Variants in ADGRL3 observed in about 807,000 individuals in gnomAD.
The protein encoded by ADGRL3 is calcium-independent alpha-latrotoxin receptor 3.
A neutral mutation model predicts 153.5 loss-of-function variants in ADGRL3; 62 were observed. The ratio of observed to expected loss-of-function variants is 0.40; its 90% CI spans 0.33 to 0.50. ADGRL3 has a LOEUF of 0.50. Among genes scored for constraint, ADGRL3 ranks in the 20% least tolerant of loss-of-function variants. The pLI, the probability that ADGRL3 is intolerant of heterozygous loss-of-function variation, is 0.47. For synonymous variants in ADGRL3, 710 were observed against 672.5 expected, an observed-to-expected ratio of 1.06 and a Z score of -0.86; for missense variants, 1,641 against 1,859.4, an observed-to-expected ratio of 0.88 and a Z score of 2.16.
At chr4:61,336,610 A>G (rs983335246) in intron 1 of ADGRL3, among the ~76,000 whole-genome samples, 2 of 151,946 alleles carry the variant, frequency 1.3e-5, no homozygotes, top group African/African-American at 4.8e-5. Context: ...GGGTGGAAAT[A>G]GGGCTCATTA....
At chr4:61,556,780 T>TA (rs1302731603) in intron 4 of ADGRL3, among the ~76,000 whole-genome samples, 1 of 152,190 alleles carries the variant, frequency 6.6e-6, no homozygotes, top group Non-Finnish European at 1.5e-5. Flanking sequence ...TTGAAGGAGT[T>TA]ATTGAGGTTG....
chr4:62,064,165 C>T (rs1178985590), intron 25 of ADGRL3, among the ~76,000 whole-genome samples: 1 of 152,014 alleles, frequency 6.6e-6, no homozygotes, highest in Non-Finnish European at 1.5e-5. Flanking sequence ...GTGTACTGGG[C>T]AGTAGCAGCT....
chr4:61,358,176 T>G, intron 1 of ADGRL3, among the ~76,000 whole-genome samples: 1 of 152,116 alleles, frequency 6.6e-6, no homozygotes, highest in East Asian at 1.9e-4. Context: ...TTACTTTATT[T>G]CTTATTATAA....
At chr4:61,231,778 C>T (rs561498184) in intron 1 of ADGRL3, among the ~76,000 whole-genome samples, 10 of 152,024 alleles carry the variant, frequency 6.6e-5, no homozygotes, top group South Asian at 2.1e-4. Flanking sequence ...ACCAGCCTCC[C>T]GGCACGTGGT....
Position 61,455,976 on chromosome 4 carries a change from C to T in ADGRL3, c.-173-41145C>T, listed in dbSNP as rs1002425786. ...GATTACAGGCACCTGCCACTATGCC[C>T]GGCTAATTTTTGTATTTTTAGTTGA... On this transcript the variant is annotated intron_variant, in intron 2 of 26. Transcript: ENST00000683033. 1.6e-4 allele frequency among the ~76,000 whole-genome samples: 24 copies of T among 151,896 alleles called. No individual in the cohort carries two copies. In the East Asian group the frequency reaches 3.3e-3, roughly 21 times the overall value.
At chr4:61,336,492 G>T (rs2095676894) in intron 1 of ADGRL3, among the ~76,000 whole-genome samples, 1 of 149,136 alleles carries the variant, frequency 6.7e-6, no homozygotes, top group Admixed American at 6.6e-5. Flanking sequence ...TCTTGAGACG[G>T]TCTATCTGTT....
intron 5 of ADGRL3, among the ~76,000 whole-genome samples, chr4:61,613,980 A>T (rs747503788): frequency 5.9e-5 from 9 of 152,160 alleles, no homozygotes; most frequent in Non-Finnish European, 1.0e-4. Flanking sequence ...ATTTGTCCAA[A>T]CTTTAGCGGT....
At chr4:61,805,009 G>T (rs936959305) in intron 8 of ADGRL3, among the ~76,000 whole-genome samples, 6 of 150,012 alleles carry the variant, frequency 4.0e-5, no homozygotes, top group Admixed American at 6.7e-5. Context: ...AGGCTGGAGT[G>T]CAGTGGGGCG....
chr4:61,649,788 T>C (rs1270683857), intron 5 of ADGRL3, among the ~76,000 whole-genome samples: 3 of 152,182 alleles, frequency 2.0e-5, no homozygotes, highest in African/African-American at 7.2e-5. Flanking sequence ...ACAGACATGG[T>C]ACATTTTCTG....
At chr4:61,851,811 G>A (rs1166166159) in intron 9 of ADGRL3, among the ~76,000 whole-genome samples, 1 of 152,054 alleles carries the variant, frequency 6.6e-6, no homozygotes, top group Non-Finnish European at 1.5e-5. Context: ...TGTTTATGTG[G>A]TGTTGGCATA....
At chr4:61,598,333 G>A (rs1350983735) in intron 5 of ADGRL3, among the ~76,000 whole-genome samples, 2 of 152,084 alleles carry the variant, frequency 1.3e-5, no homozygotes, top group African/African-American at 2.4e-5. Flanking sequence ...AATTTGTGAA[G>A]TACATAACAT....
At chr4:61,991,023 C>T (rs182775412) in intron 19 of ADGRL3, among the ~76,000 whole-genome samples, 1 of 147,386 alleles carries the variant, frequency 6.8e-6, no homozygotes, top group Non-Finnish European at 1.5e-5. Context: ...TATATGTATA[C>T]AACGTGTATG....
chr4:61,998,185 C>A lies in ADGRL3; in HGVS notation c.3315C>A (p.Ile1105=), dbSNP rs1398473656. 3 of 1,568,220 alleles carry A rather than the reference C, an allele frequency of 1.9e-6. No homozygotes were observed. Among genetic ancestry groups the A allele is most frequent in the Non-Finnish European group, 2.6e-6 (3 of 1,156,656 alleles). Residue 1105 remains isoleucine, a synonymous_variant, in exon 21 of 27, where the codon ATC becomes ATA. Coordinates refer to ENST00000683033, the MANE Select transcript of ADGRL3 (RefSeq NM_001387552.1). The part of the protein sequence containing the change: ...PATLIIMLNV[I]FLGIALYKMF... ...CTTTTGCATTCCAGCTTAATGTAAT[C>A]TTCCTTGGGATTGCTTTATATAAAA...
intron 2 of ADGRL3, among the ~76,000 whole-genome samples, chr4:61,386,019 C>A (rs965811565): frequency 6.6e-6 from 1 of 152,072 alleles, no homozygotes; most frequent in African/African-American, 2.4e-5. Context: ...TGAATTCATA[C>A]CAACTGGGAT....
At chr4:61,372,620 T>C (rs534902708) in intron 1 of ADGRL3, among the ~76,000 whole-genome samples, 1 of 152,198 alleles carries the variant, frequency 6.6e-6, no homozygotes, top group Non-Finnish European at 1.5e-5. Context: ...GGAGAACCAC[T>C]GCTCTCTTCA....
chr4:61,267,235 T>C (rs2092903727), intron 1 of ADGRL3, among the ~76,000 whole-genome samples: 1 of 151,722 alleles, frequency 6.6e-6, no homozygotes, highest in African/African-American at 2.4e-5. Context: ...ATGTGATATT[T>C]ATGAAGCATC....
At chr4:61,465,725 T>A (rs957657344) in intron 2 of ADGRL3, among the ~76,000 whole-genome samples, 6 of 145,416 alleles carry the variant, frequency 4.1e-5, no homozygotes, top group African/African-American at 1.5e-4. Flanking sequence ...TCTTGGATAC[T>A]TGGACTGACT....
At chr4:61,307,429 C>G (rs761388943) in intron 1 of ADGRL3, among the ~76,000 whole-genome samples, 3 of 152,080 alleles carry the variant, frequency 2.0e-5, no homozygotes, top group Admixed American at 6.5e-5. Context: ...CCCAAATTCA[C>G]GTAGCAAATG....
chr4:61,530,515 A>C (rs1033462382), intron 4 of ADGRL3, among the ~76,000 whole-genome samples: 25 of 152,140 alleles, frequency 1.6e-4, no homozygotes, highest in Non-Finnish European at 2.9e-5. Context: ...TTTGGTAAAC[A>C]CAGACTGTGT....
Sources: allele counts gnomAD v4.1 joint callset (sites outside exome capture counted in the v4.1 genomes callset), GRCh38; gene constraint gnomAD v4.1.1; transcripts MANE v1.5; gene names NCBI Gene and HGNC (gene_info 2026-07-23, HGNC 2026-07-21).